ZBTB43: variants seen among roughly 807,000 people sequenced by gnomAD.
ZBTB43 encodes zinc finger and BTB domain containing 43.
ZBTB43 carries 6 observed loss-of-function variants against 31.1 expected under a neutral mutation model. The observed-to-expected ratio is 0.19, with a 90% CI of 0.11 to 0.38. The LOEUF (loss-of-function observed/expected upper bound fraction) is 0.38, where lower values mean the gene tolerates loss of function less well. Ranked by LOEUF, ZBTB43 falls within the 10% of genes least tolerant of loss-of-function variation. The pLI, the probability that ZBTB43 is intolerant of heterozygous loss-of-function variation, is 1.00. For missense variants in ZBTB43, 379 were observed against 602.1 expected (o/e 0.63, Z 3.88); for synonymous variants, 212 against 221.7 (o/e 0.96, Z 0.39).
Position 126,835,732 on chromosome 9 carries a change from T to G in ZBTB43, c.*1819T>G, listed in dbSNP as rs1370394142. Reference sequence around the variant, plus strand: ...TTATTATAAATATATATATATATTGTTTTTTTTTAAACCTAGAAACTAGAT... The same window carrying G: ...TTATTATAAATATATATATATATTGGTTTTTTTTAAACCTAGAAACTAGAT... On this transcript the variant is annotated 3_prime_UTR_variant, in exon 3 of 3. Transcript: ENST00000373464. 2 of 164,834 alleles carry G rather than the reference T, an allele frequency of 1.2e-5. No homozygotes were observed. Among genetic ancestry groups the G allele is most frequent in the Admixed American group, 6.6e-5 (1 of 15,098 alleles). The allele number at this position is 164,834 out of a possible 1,614,324, so 10.2% of individuals were successfully genotyped here. A position where few individuals can be genotyped will look rare whatever the true frequency, so the allele number is the denominator to read the frequency against.
intron 2 of ZBTB43, among the ~76,000 whole-genome samples, chr9:126,822,676 G>A (rs2032541612): frequency 1.3e-5 from 2 of 152,148 alleles, no homozygotes; most frequent in Admixed American, 6.5e-5. Flanking sequence ...GGAGGTCAAG[G>A]CTGCAGTGAG....
intron 2 of ZBTB43, among the ~76,000 whole-genome samples, chr9:126,810,692 A>G (rs1359552161): frequency 4.0e-5 from 6 of 150,090 alleles, no homozygotes; most frequent in Non-Finnish European, 7.4e-5. Flanking sequence ...TTTAGTAGAG[A>G]AGGGGTTTCA....
intron 2 of ZBTB43, among the ~76,000 whole-genome samples, chr9:126,826,444 GC>G (rs1248708120): frequency 3.4e-5 from 4 of 118,680 alleles, no homozygotes; most frequent in East Asian, 3.2e-4. Flanking sequence ...ACCACTCCTG[GC>G]CCCCCCGCCT....
intron 2 of ZBTB43, among the ~76,000 whole-genome samples, chr9:126,815,707 C>G (rs1466868548): frequency 6.9e-6 from 1 of 144,044 alleles, no homozygotes; most frequent in African/African-American, 2.6e-5. Flanking sequence ...CATGCTTAAT[C>G]TTTCCTCTAC....
chr9:126,829,638 C>G (rs2032724051), intron 2 of ZBTB43, among the ~76,000 whole-genome samples: 1 of 151,828 alleles, frequency 6.6e-6, no homozygotes, highest in African/African-American at 2.4e-5. Flanking sequence ...GAGATATAAA[C>G]AGGAGTTTAA....
intron 2 of ZBTB43, among the ~76,000 whole-genome samples, chr9:126,830,784 G>A (rs536638442): frequency 1.7e-4 from 26 of 151,866 alleles, no homozygotes; most frequent in African/African-American, 6.3e-4. Flanking sequence ...GAATTACAGA[G>A]TATGGGCAGG....
intron 2 of ZBTB43, among the ~76,000 whole-genome samples, chr9:126,813,510 A>G (rs2032295932): frequency 6.6e-6 from 1 of 152,150 alleles, no homozygotes; most frequent in Admixed American, 6.6e-5. Flanking sequence ...AGCACAAGTA[A>G]TGATGTGTGT....
At chr9:126,827,824 A>G (rs1352307916) in intron 2 of ZBTB43, among the ~76,000 whole-genome samples, 3 of 151,956 alleles carry the variant, frequency 2.0e-5, no homozygotes, top group South Asian at 2.1e-4. Flanking sequence ...CCTGACCAAC[A>G]TGGTGAAACC....
chr9:126,811,079 G>T (rs1180074063), intron 2 of ZBTB43, among the ~76,000 whole-genome samples: 1 of 151,562 alleles, frequency 6.6e-6, no homozygotes, highest in Non-Finnish European at 1.5e-5. Context: ...AAAATTAGCT[G>T]GGCGTGGTGT....
chr9:126,827,229 G>A (rs943417274), intron 2 of ZBTB43, among the ~76,000 whole-genome samples: 1 of 152,204 alleles, frequency 6.6e-6, no homozygotes, highest in African/African-American at 2.4e-5. Flanking sequence ...GTGTGTGTGC[G>A]TGTACAGATG....
Position 126,834,074 on chromosome 9 carries a change from A to G in ZBTB43, c.*161A>G, listed in dbSNP as rs183443767. ...CCAGCTCTAAGTAGGCCAATTAAAA[A>G]AATCTAATTCCTCAAATTTGTGTGT... On this transcript the variant is annotated 3_prime_UTR_variant, in exon 3 of 3. Coordinates refer to ENST00000373464, the MANE Select transcript of ZBTB43 (RefSeq NM_014007.4). 1 of 822,854 alleles carries G rather than the reference A, an allele frequency of 1.2e-6. No homozygotes were observed. Among genetic ancestry groups the G allele is most frequent in the African/African-American group, 1.7e-5 (1 of 58,066 alleles). The allele number at this position is 822,854 out of a possible 1,614,324, so 51.0% of individuals were successfully genotyped here.
At chr9:126,817,472 A>C (rs113378051) in intron 2 of ZBTB43, among the ~76,000 whole-genome samples, 5 of 138,956 alleles carry the variant, frequency 3.6e-5, no homozygotes, top group Non-Finnish European at 7.9e-5. Flanking sequence ...ATAATGTTCC[A>C]TGAAGTTTTT....
intron 2 of ZBTB43, among the ~76,000 whole-genome samples, chr9:126,818,598 G>T (rs778520824): frequency 1.3e-5 from 2 of 152,130 alleles, no homozygotes; most frequent in African/African-American, 4.8e-5. Flanking sequence ...TGCTTTTTCT[G>T]TGTCAGTTGA....
intron 2 of ZBTB43, among the ~76,000 whole-genome samples, chr9:126,826,328 G>A (rs1415001130): frequency 6.6e-6 from 1 of 150,514 alleles, no homozygotes; most frequent in East Asian, 2.0e-4. Context: ...TATATTTTTT[G>A]TAGAGATGGG....
At chr9:126,810,664 CTAATTTTTT>C (rs2032227245) in intron 2 of ZBTB43, among the ~76,000 whole-genome samples, 1 of 151,608 alleles carries the variant, frequency 6.6e-6, no homozygotes, top group Admixed American at 6.6e-5. Flanking sequence ...CCATGCACAG[CTAATTTTTT>C]TTTGTACTTT....
intron 2 of ZBTB43, among the ~76,000 whole-genome samples, chr9:126,810,495 CTTTTTTTTTTTTT>C (rs1163411798): frequency 2.7e-5 from 2 of 73,342 alleles, no homozygotes; most frequent in Non-Finnish European, 4.8e-5. Context: ...GCCCAGCCGT[CTTTTTTTTTTTTT>C]TTTTTTTTTT....
intron 2 of ZBTB43, among the ~76,000 whole-genome samples, chr9:126,830,326 G>A (rs1312192461): frequency 6.6e-6 from 1 of 152,158 alleles, no homozygotes; most frequent in Non-Finnish European, 1.5e-5. Flanking sequence ...CTTTGTCTGG[G>A]TTGTCTGGCT....
intron 2 of ZBTB43, among the ~76,000 whole-genome samples, chr9:126,826,100 A>C (rs908872443): frequency 7.2e-6 from 1 of 138,660 alleles, no homozygotes; most frequent in Non-Finnish European, 1.5e-5. Context: ...TGCAACCTCC[A>C]CCTCCCGGGT....
intron 2 of ZBTB43, among the ~76,000 whole-genome samples, chr9:126,823,265 T>C (rs1311583184): frequency 1.3e-5 from 2 of 152,240 alleles, no homozygotes; most frequent in Non-Finnish European, 1.5e-5. Context: ...TTATCCACTT[T>C]TACTTCATAT....
Sources: gnomAD v4.1 joint callset for allele counts (sites outside exome capture counted in the v4.1 genomes callset) on GRCh38, gnomAD v4.1.1 for gene constraint, MANE v1.5 for transcripts, NCBI Gene and HGNC (gene_info 2026-07-23, HGNC 2026-07-21) for gene names.